The following LMBR1 variants were observed in gnomAD, a reference collection of about 807,000 sequenced individuals.
LMBR1 encodes limb region 1 protein homolog.
Under a neutral mutation model 73.9 loss-of-function variants are expected in LMBR1, and 52 were observed. That is an observed-to-expected ratio of 0.70 (90% CI 0.56 to 0.89). LMBR1 has a LOEUF of 0.89. Among genes scored for constraint, LMBR1 ranks in the 40% least tolerant of loss-of-function variants. LMBR1 has a pLI of 0.00. For synonymous variants in LMBR1, 215 were observed against 209.4 expected (o/e 1.03, Z -0.23); for missense variants, 539 against 579.8 (o/e 0.93, Z 0.72).
intron 15 of LMBR1, among the ~76,000 whole-genome samples, chr7:156,710,002 T>G (rs1357906891): frequency 1.3e-5 from 2 of 148,954 alleles, no homozygotes; most frequent in Non-Finnish European, 3.0e-5. Flanking sequence ...CCTCCCGGGT[T>G]CACGCCATTC....
At chr7:156,716,252 T>C (rs188630652) in intron 15 of LMBR1, among the ~76,000 whole-genome samples, 11 of 152,176 alleles carry the variant, frequency 7.2e-5, no homozygotes, top group Admixed American at 5.9e-4. Flanking sequence ...TTTGGATAGA[T>C]AGAGAAAGGT....
At chr7:156,742,968 T>C (rs931620839) in intron 9 of LMBR1, among the ~76,000 whole-genome samples, 2 of 152,142 alleles carry the variant, frequency 1.3e-5, no homozygotes, top group African/African-American at 2.4e-5. Flanking sequence ...ATGTGATACA[T>C]CATATCAATG....
At chr7:156,891,564 G>A (rs1230511761) in intron 1 of LMBR1, among the ~76,000 whole-genome samples, 2 of 152,088 alleles carry the variant, frequency 1.3e-5, no homozygotes, top group East Asian at 3.8e-4. Context: ...AAAGTAATTG[G>A]AAGAGGGAAA....
intron 15 of LMBR1, among the ~76,000 whole-genome samples, chr7:156,698,144 C>T (rs975123157): frequency 2.0e-5 from 3 of 152,200 alleles, no homozygotes; most frequent in Non-Finnish European, 4.4e-5. Flanking sequence ...AAATGATCTC[C>T]TTTGACTCCA....
At chr7:156,783,094 T>A (rs1795138469) in intron 5 of LMBR1, among the ~76,000 whole-genome samples, 1 of 152,178 alleles carries the variant, frequency 6.6e-6, no homozygotes, top group Non-Finnish European at 1.5e-5. Context: ...AAGAAAACTT[T>A]GCAGAATTTT....
chr7:156,867,010 G>A (rs1798568846), intron 1 of LMBR1, among the ~76,000 whole-genome samples: 1 of 152,152 alleles, frequency 6.6e-6, no homozygotes, highest in Non-Finnish European at 1.5e-5. Context: ...GGATGTAAGT[G>A]ACTCTACCAC....
chr7:156,832,677 A>G (rs963813491), intron 3 of LMBR1, among the ~76,000 whole-genome samples: 1 of 152,238 alleles, frequency 6.6e-6, no homozygotes, highest in Non-Finnish European at 1.5e-5. Flanking sequence ...GTATGTGTGT[A>G]CAAGTATGTG....
intron 4 of LMBR1, among the ~76,000 whole-genome samples, chr7:156,813,233 A>G (rs76744949): frequency 0.032 from 4,842 of 152,156 alleles, 123 homozygotes; most frequent in South Asian, 0.085. Flanking sequence ...CTAATTTTTC[A>G]TACTCCACGT....
chr7:156,840,448 C>T (rs939586562), intron 1 of LMBR1, among the ~76,000 whole-genome samples: 3 of 151,678 alleles, frequency 2.0e-5, no homozygotes, highest in Non-Finnish European at 2.9e-5. Flanking sequence ...TGCCAAGGGT[C>T]GGAGGCAATA....
At chr7:156,756,354 A>T (rs1453251067) in intron 9 of LMBR1, 39 bp downstream of exon 9, 1 of 982,702 alleles carries the variant, frequency 1.0e-6, no homozygotes, top group African/African-American at 1.6e-5. Flanking sequence ...AATTAAAAAG[A>T]TTTTTTTATC....
At position 156,725,789 on chromosome 7, in the gene LMBR1, C is replaced by T. The variant is rs1399908042; in HGVS notation, c.1042G>A (p.Ala348Thr). ...ASLSTFGFVGAALEIILIFYL... is the reference protein window; with the variant it reads ...ASLSTFGFVGTALEIILIFYL... ...AAAATCAAAATGATTTCAAGCGCAG[C>T]TCCCACAAAACCAAACGTAGAAAGA... The change falls in exon 13 of 17, where the codon GCT (alanine) becomes ACT (threonine). Residue 348 changes from alanine to threonine, a missense_variant. Physicochemically the swap from Ala to Thr is moderately conservative, Grantham distance 58 (BLOSUM62 0). Transcript: ENST00000353442. 2 of 1,613,574 alleles carry T rather than the reference C, an allele frequency of 1.2e-6. No homozygotes were observed. Among genetic ancestry groups the T allele is most frequent in the Non-Finnish European group, 8.5e-7 (1 of 1,179,772 alleles).
At chr7:156,860,760 G>A (rs938173303) in intron 1 of LMBR1, among the ~76,000 whole-genome samples, 5 of 152,188 alleles carry the variant, frequency 3.3e-5, no homozygotes, top group African/African-American at 1.2e-4. Flanking sequence ...CAAAACAAAG[G>A]GGCTACAGGC....
rs1821880585 is a variant in LMBR1 at position 156,756,394 on chromosome 7, A to T, written c.756T>A (p.Asn252Lys). Reference sequence around the variant, plus strand: ...TCTAAATATGTAATATAAACATACCATTTAGTCGTCTCTGGAGTGCTTCTT... The same window carrying T: ...TCTAAATATGTAATATAAACATACCTTTTAGTCGTCTCTGGAGTGCTTCTT... ...LEEEALQRRLNGLSSSVEYNI... is the reference protein window; with the variant it reads ...LEEEALQRRLKGLSSSVEYNI... The change falls in exon 9 of 17, where the codon AAT becomes AAA. Residue 252 changes from asparagine (N) to lysine (K), a missense_variant and splice_region_variant. Asn to Lys is a moderately conservative substitution (Grantham distance 94). Coordinates refer to ENST00000353442, the MANE Select transcript of LMBR1 (RefSeq NM_022458.4). The T allele has an allele frequency of 7.1e-7, 1 of 1,401,552 alleles. No individual in the cohort carries two copies. Among genetic ancestry groups the T allele is most frequent in the Admixed American group, 1.7e-5 (1 of 57,378 alleles). The allele number at this position is 1,401,552 out of a possible 1,614,324, so 86.8% of individuals were successfully genotyped here. A position where few individuals can be genotyped will look rare whatever the true frequency, so the allele number is the denominator to read the frequency against.
chr7:156,683,273 A>G lies in LMBR1; in HGVS notation c.*805T>C, dbSNP rs1278795132. 1.3e-5 allele frequency: 2 copies of G among 152,344 alleles called. No individual in the cohort carries two copies. The highest frequency in any genetic ancestry group is 2.9e-5 in the Non-Finnish European group (2 of 68,044). The allele number at this position is 152,344 out of a possible 1,614,324, so 9.4% of individuals were successfully genotyped here. On this transcript the variant is annotated 3_prime_UTR_variant, in exon 17 of 17. Coordinates refer to ENST00000353442, the MANE Select transcript of LMBR1 (RefSeq NM_022458.4). Reference sequence around the variant, plus strand: ...AAAACTGAGTATACATATAGCCTATAAGGTAAAAATCCAAGTTACAAGTGT... The same window carrying G: ...AAAACTGAGTATACATATAGCCTATGAGGTAAAAATCCAAGTTACAAGTGT...
At chr7:156,792,515 A>G (rs554784425) in intron 5 of LMBR1, among the ~76,000 whole-genome samples, 1 of 152,352 alleles carries the variant, frequency 6.6e-6, no homozygotes, top group South Asian at 2.1e-4. Flanking sequence ...AACCATTTCT[A>G]TGCTCTTACA....
intron 1 of LMBR1, among the ~76,000 whole-genome samples, chr7:156,859,209 T>C (rs560802827): frequency 3.3e-5 from 5 of 150,196 alleles, no homozygotes; most frequent in East Asian, 3.9e-4. Flanking sequence ...GATTGCGCCA[T>C]TGCAGTCCAG....
chr7:156,772,872 G>C (rs992282140), intron 5 of LMBR1, among the ~76,000 whole-genome samples: 1 of 150,034 alleles, frequency 6.7e-6, no homozygotes, highest in Non-Finnish European at 1.5e-5. Context: ...GAGGGGAGGG[G>C]AAGGGAGGGG....
chr7:156,858,766 CAATT>C (rs1056952939), intron 1 of LMBR1, among the ~76,000 whole-genome samples: 17 of 152,002 alleles, frequency 1.1e-4, no homozygotes, highest in African/African-American at 3.9e-4. Context: ...ATTCAAAAAT[CAATT>C]AATACAATCC....
At chr7:156,812,238 G>A (rs1163123768) in intron 4 of LMBR1, among the ~76,000 whole-genome samples, 1 of 152,102 alleles carries the variant, frequency 6.6e-6, no homozygotes, top group Non-Finnish European at 1.5e-5. Flanking sequence ...CTTCAAATAG[G>A]AAGACAGCAA....
Sources: gnomAD v4.1 joint callset for allele counts (sites outside exome capture counted in the v4.1 genomes callset) on GRCh38, gnomAD v4.1.1 for gene constraint, MANE v1.5 for transcripts, NCBI Gene and HGNC (gene_info 2026-07-23, HGNC 2026-07-21) for gene names.